The following DGKB variants were observed in gnomAD, a reference collection of about 807,000 sequenced individuals.
DGKB encodes diacylglycerol kinase beta.
A neutral mutation model predicts 114.3 loss-of-function variants in DGKB; 67 were observed. That is an observed-to-expected ratio of 0.59 (90% CI 0.48 to 0.72). The LOEUF is 0.72. DGKB is among the 30% of genes least tolerant of loss of function. The pLI, the probability that DGKB is intolerant of heterozygous loss-of-function variation, is 0.00. For synonymous variants in DGKB, 398 were observed against 323.1 expected (o/e 1.23, Z -2.49); for missense variants, 907 against 975.2 (o/e 0.93, Z 0.93).
intron 7 of DGKB, among the ~76,000 whole-genome samples, chr7:14,699,786 G>C (rs544082049): frequency 6.6e-6 from 1 of 151,978 alleles, no homozygotes; most frequent in Non-Finnish European, 1.5e-5. Flanking sequence ...AAAAAATAGA[G>C]ACTAGTTTAA....
chr7:14,436,073 A>G (rs911581409), intron 21 of DGKB, among the ~76,000 whole-genome samples: 1 of 152,080 alleles, frequency 6.6e-6, no homozygotes, highest in Admixed American at 6.6e-5. Flanking sequence ...ATTAACTTAG[A>G]TACTATAGAC....
intron 4 of DGKB, among the ~76,000 whole-genome samples, chr7:14,753,583 TAATA>T (rs1280311261): frequency 7.2e-5 from 11 of 152,174 alleles, no homozygotes; most frequent in Non-Finnish European, 1.6e-4. Flanking sequence ...CATGGTAAAT[TAATA>T]AATTAAGACT....
intron 23 of DGKB, among the ~76,000 whole-genome samples, chr7:14,183,494 G>A (rs1479237933): frequency 6.6e-6 from 1 of 152,144 alleles, no homozygotes; most frequent in African/African-American, 2.4e-5. Flanking sequence ...TCCAATTGTA[G>A]GTCTATTAAT....
intron 20 of DGKB, among the ~76,000 whole-genome samples, chr7:14,530,240 T>C (rs372465665): frequency 6.6e-5 from 10 of 151,634 alleles, no homozygotes; most frequent in African/African-American, 1.9e-4. Context: ...AAAAAAATTA[T>C]ATACACTGTT....
intron 13 of DGKB, among the ~76,000 whole-genome samples, chr7:14,650,964 T>G (rs191447699): frequency 0.09 from 13,658 of 151,716 alleles, 903 homozygotes; most frequent in African/African-American, 0.19. Flanking sequence ...TTGAATCTCT[T>G]AATAGACCAA....
At chr7:14,313,769 T>C (rs1805901319) in intron 23 of DGKB, among the ~76,000 whole-genome samples, 4 of 152,070 alleles carry the variant, frequency 2.6e-5, no homozygotes, top group Admixed American at 2.6e-4. Flanking sequence ...TCCAACTGGG[T>C]GGAGCCCACC....
At chr7:14,901,605 A>ACCCCCCCCCCCCCCCCCCCC (rs1300363624) in intron 1 of DGKB, among the ~76,000 whole-genome samples, 12 of 123,096 alleles carry the variant, frequency 9.7e-5, no homozygotes, top group South Asian at 3.0e-4. Context: ...AGGGATTTCC[A>ACCCCCCCCCCCCCCCCCCCC]CCCCCCCCCA....
At chr7:14,966,769 T>C (rs1562910207) in intron 1 of DGKB, among the ~76,000 whole-genome samples, 1 of 152,130 alleles carries the variant, frequency 6.6e-6, no homozygotes, top group African/African-American at 2.4e-5. Context: ...CCTTTTTTTG[T>C]CAGCTCAAAT....
chr7:14,872,853 T>C (rs941126909), intron 1 of DGKB, among the ~76,000 whole-genome samples: 1 of 150,442 alleles, frequency 6.6e-6, no homozygotes. Context: ...CATAAAGCTT[T>C]AATATTTTCC....
intron 1 of DGKB, among the ~76,000 whole-genome samples, chr7:14,970,254 G>A (rs1038535763): frequency 6.6e-6 from 1 of 152,038 alleles, no homozygotes; most frequent in African/African-American, 2.4e-5. Flanking sequence ...TCACATGCCA[G>A]GCATCCTGCT....
chr7:14,764,592 C>G (rs1836186488), intron 2 of DGKB, among the ~76,000 whole-genome samples: 1 of 151,854 alleles, frequency 6.6e-6, no homozygotes, highest in African/African-American at 2.4e-5. Context: ...AAAAAAGGCT[C>G]TCAGTTGAGT....
intron 20 of DGKB, among the ~76,000 whole-genome samples, chr7:14,515,056 G>T (rs910709895): frequency 6.6e-6 from 1 of 151,936 alleles, no homozygotes; most frequent in African/African-American, 2.4e-5. Flanking sequence ...TAAAAGAAAA[G>T]GAAACTAAGG....
intron 21 of DGKB, among the ~76,000 whole-genome samples, chr7:14,362,321 A>G (rs969465222): frequency 6.6e-6 from 1 of 152,060 alleles, no homozygotes; most frequent in African/African-American, 2.4e-5. Flanking sequence ...CATTTCTCTA[A>G]AAATTTGGAA....
chr7:14,358,015 G>A (rs1814922052), intron 21 of DGKB, among the ~76,000 whole-genome samples: 1 of 152,090 alleles, frequency 6.6e-6, no homozygotes, highest in African/African-American at 2.4e-5. Context: ...CTCTCTGGCT[G>A]CCCTTTACAT....
chr7:14,218,289 C>T (rs1274343138), intron 23 of DGKB, among the ~76,000 whole-genome samples: 1 of 152,062 alleles, frequency 6.6e-6, no homozygotes, highest in Non-Finnish European at 1.5e-5. Context: ...TCTAGCTTAA[C>T]TTAGCTATGA....
chr7:14,561,414 G>C (rs998992562), intron 20 of DGKB, among the ~76,000 whole-genome samples: 1 of 152,174 alleles, frequency 6.6e-6, no homozygotes, highest in Non-Finnish European at 1.5e-5. Context: ...TTGGTACCAA[G>C]AGTGGCGTGC....
intron 23 of DGKB, among the ~76,000 whole-genome samples, chr7:14,338,078 G>C (rs1029058830): frequency 1.3e-5 from 2 of 152,014 alleles, no homozygotes; most frequent in African/African-American, 4.8e-5. Flanking sequence ...TAGAACAACA[G>C]CTCTGTAAAA....
intron 1 of DGKB, among the ~76,000 whole-genome samples, chr7:14,866,310 A>G (rs78466810): frequency 1.3e-5 from 2 of 152,248 alleles, no homozygotes; most frequent in African/African-American, 2.4e-5. Flanking sequence ...TCTCTTGCGC[A>G]TTCTATGGGT....
At chr7:14,470,749 C>A (rs1781159424) in intron 21 of DGKB, among the ~76,000 whole-genome samples, 1 of 151,580 alleles carries the variant, frequency 6.6e-6, no homozygotes, top group African/African-American at 2.4e-5. Context: ...TGATTGGATG[C>A]CAATTTTCAA....
Sources: allele counts gnomAD v4.1 joint callset (sites outside exome capture counted in the v4.1 genomes callset), GRCh38; gene constraint gnomAD v4.1.1; transcripts MANE v1.5; gene names NCBI Gene and HGNC (gene_info 2026-07-23, HGNC 2026-07-21).